RAB9A: variants seen among roughly 807,000 people sequenced by gnomAD.
RAB9A encodes RAB9A, member RAS oncogene family, also known as ras-related protein Rab-9A.
Under a neutral mutation model 10.3 loss-of-function variants are expected in RAB9A, and 1 was observed. That is an observed-to-expected ratio of 0.10 (90% confidence interval 0.03 to 0.46). The LOEUF (loss-of-function observed/expected upper bound fraction) is 0.46. Among genes scored for constraint, RAB9A ranks in the 20% least tolerant of loss-of-function variants. The pLI is 0.96. For synonymous variants in RAB9A, 39 were observed against 55.2 expected (o/e 0.71, Z 1.30); for missense variants, 92 against 150.3 (o/e 0.61, Z 2.03).
intron 1 of RAB9A, among the ~76,000 whole-genome samples, chrX:13,690,894 G>A (rs2046118810): frequency 9.0e-6 from 1 of 110,735 alleles, no homozygotes; most frequent in Non-Finnish European, 1.9e-5. Context: ...AGGTTGTGAT[G>A]GGGTGGAGCG....
chrX:13,691,536 C>G lies in RAB9A; in HGVS notation c.-116+2248C>G, dbSNP rs959515252. ...TTAGCCAGGCGTGGTGGCGGATGCC[C>G]GTAATCCCAGCTACTCAGGAGGCTG... On this transcript the variant is annotated intron_variant, in intron 1 of 2. Coordinates refer to ENST00000464506, the MANE Select transcript of RAB9A (RefSeq NM_004251.5). Among the ~76,000 whole-genome samples the G allele has an allele frequency of 5.5e-5, 6 of 108,410 alleles. No homozygotes were observed. The Admixed American group carries it at 5.9e-4, about 11-fold the overall frequency. 94.1% of individuals were successfully genotyped at this position (108,410 alleles called of 115,157 possible).
chrX:13,700,399 TATAAG>T (rs1205950763), intron 1 of RAB9A, among the ~76,000 whole-genome samples: 3 of 112,017 alleles, frequency 2.7e-5, no homozygotes, highest in Admixed American at 1.9e-4. Flanking sequence ...CAATTGATAG[TATAAG>T]ATAAAAGTAC....
intron 1 of RAB9A, among the ~76,000 whole-genome samples, chrX:13,693,883 C>T (rs1348943558): frequency 9.0e-6 from 1 of 111,272 alleles, no homozygotes; most frequent in African/African-American, 3.3e-5. Context: ...CTCTGGGAGT[C>T]TGTGGACACA....
intron 1 of RAB9A, among the ~76,000 whole-genome samples, chrX:13,694,481 G>T (rs945037420): frequency 8.9e-6 from 1 of 111,991 alleles, no homozygotes; most frequent in Admixed American, 9.4e-5. Flanking sequence ...ACTTTAATTT[G>T]TGCCCAGTAC....
intron 1 of RAB9A, among the ~76,000 whole-genome samples, chrX:13,702,671 C>T (rs898659568): frequency 1.1e-4 from 12 of 111,907 alleles, no homozygotes; most frequent in African/African-American, 3.9e-4. Context: ...CAGGTTTACA[C>T]ATTGTGTGTC....
At chrX:13,703,691 C>T (rs1407280940) in intron 1 of RAB9A, 123 bp from the exon 2 acceptor site, 2 of 111,583 alleles carry the variant, frequency 1.8e-5, no homozygotes, top group African/African-American at 6.5e-5. Flanking sequence ...TAATGTAGGC[C>T]TGTATCATCC....
intron 1 of RAB9A, among the ~76,000 whole-genome samples, chrX:13,703,396 A>AT (rs2046183212): frequency 8.9e-6 from 1 of 112,617 alleles, no homozygotes; most frequent in Non-Finnish European, 1.9e-5. Flanking sequence ...CTTGCATACC[A>AT]TACTGGGCTC....
At chrX:13,700,483 T>A (rs188663356) in intron 1 of RAB9A, among the ~76,000 whole-genome samples, 131 of 112,363 alleles carry the variant, frequency 1.2e-3, no homozygotes, top group African/African-American at 4.2e-3. Context: ...CTTTTGTCTT[T>A]TGAATTTTGC....
chrX:13,690,762 T>C (rs1374596506), intron 1 of RAB9A, among the ~76,000 whole-genome samples: 3 of 111,916 alleles, frequency 2.7e-5, no homozygotes, highest in Non-Finnish European at 5.6e-5. Context: ...TCCGTACGTG[T>C]AAATCCTGTA....
At chrX:13,691,062 C>G (rs982435760) in intron 1 of RAB9A, among the ~76,000 whole-genome samples, 4 of 111,329 alleles carry the variant, frequency 3.6e-5, no homozygotes, top group Admixed American at 2.9e-4. Context: ...TGGGTAGAGG[C>G]CAGGGATGCT....
Position 13,709,503 on chromosome X carries a change from C to A in RAB9A, c.*151C>A. 1 of 548,832 alleles carries A rather than the reference C, an allele frequency of 1.8e-6. No individual in the cohort carries two copies. The highest frequency in any genetic ancestry group is 4.4e-5 in the South Asian group (1 of 22,860). The allele number at this position is 548,832 out of a possible 1,213,427, so 45.2% of individuals were successfully genotyped here. A position where few individuals can be genotyped will look rare whatever the true frequency, so the allele number is the denominator to read the frequency against. ...CTTCATTAGTTGGTGGGAGAAGGGA[C>A]ACATCCACTCTTGGAGGAATATATT... On this transcript the variant is annotated 3_prime_UTR_variant, in exon 3 of 3. Transcript: ENST00000464506.
At chrX:13,704,147 G>A (rs2046187048) in intron 2 of RAB9A, among the ~76,000 whole-genome samples, 1 of 111,589 alleles carries the variant, frequency 9.0e-6, no homozygotes, top group Admixed American at 9.5e-5. Context: ...GCCCTTTTCT[G>A]TCTTCCCTTT....
At chrX:13,694,966 T>G (rs2046141190) in intron 1 of RAB9A, among the ~76,000 whole-genome samples, 2 of 111,763 alleles carry the variant, frequency 1.8e-5, no homozygotes, top group Admixed American at 1.9e-4. Context: ...AGCTCCACTT[T>G]CCTTTGTGCT....
chrX:13,698,199 T>C (rs958857573), intron 1 of RAB9A, among the ~76,000 whole-genome samples: 3 of 50,407 alleles, frequency 6.0e-5, no homozygotes, highest in South Asian at 1.5e-3. Flanking sequence ...TCTTTTTTTT[T>C]TTTTTTTTTT....
At chrX:13,691,478 G>A (rs2046122885) in intron 1 of RAB9A, among the ~76,000 whole-genome samples, 1 of 109,984 alleles carries the variant, frequency 9.1e-6, no homozygotes, top group Admixed American at 9.7e-5. Context: ...TGGCCAACAT[G>A]GTGAAACTCC....
intron 1 of RAB9A, among the ~76,000 whole-genome samples, chrX:13,698,682 T>G (rs907413634): frequency 8.9e-6 from 1 of 112,297 alleles, no homozygotes; most frequent in Non-Finnish European, 1.9e-5. Flanking sequence ...ATGACTTTCC[T>G]TGACTTGCTT....
At chrX:13,692,135 C>G (rs2046128091) in intron 1 of RAB9A, among the ~76,000 whole-genome samples, 1 of 109,853 alleles carries the variant, frequency 9.1e-6, no homozygotes, top group Non-Finnish European at 1.9e-5. Context: ...AGACCCCCGT[C>G]TCTACAAAAA....
chrX:13,698,974 A>AAT (rs1905942711), intron 1 of RAB9A, among the ~76,000 whole-genome samples: 1 of 111,137 alleles, frequency 9.0e-6, no homozygotes, highest in Non-Finnish European at 1.9e-5. Flanking sequence ...CAAAAAAAAA[A>AAT]AAAAAATCTG....
In RAB9A at chrX:13,694,960, C is replaced by T. The variant is rs755025953; in HGVS notation, c.-116+5672C>T. On this transcript the variant is annotated intron_variant, in intron 1 of 2. Transcript: ENST00000464506. ...TCCTGTGCAAATCGTCCCTCCAGCT[C>T]CACTTTCCTTTGTGCTTTCTCTCCA... Among the ~76,000 whole-genome samples the T allele has an allele frequency of 2.7e-5, 3 of 111,741 alleles. No homozygotes were observed. The South Asian group carries it at 1.1e-3, about 42-fold the overall frequency.
Sources: allele counts gnomAD v4.1 joint callset (sites outside exome capture counted in the v4.1 genomes callset), GRCh38; gene constraint gnomAD v4.1.1; transcripts MANE v1.5; gene names NCBI Gene and HGNC (gene_info 2026-07-23, HGNC 2026-07-21).